Variants in FSD1 observed in about 807,000 individuals in gnomAD.
FSD1 encodes fibronectin type III and SPRY domain containing 1.
A neutral mutation model predicts 58.2 loss-of-function variants in FSD1; 23 were observed. The observed-to-expected ratio is 0.40, with a 90% CI of 0.28 to 0.56. FSD1 has a LOEUF of 0.56. Ranked by LOEUF, FSD1 falls within the 20% of genes least tolerant of loss-of-function variation. The pLI, the probability that FSD1 is intolerant of heterozygous loss-of-function variation, is 0.54. For synonymous variants in FSD1, 265 were observed against 263.4 expected, an observed-to-expected ratio of 1.01 and a Z score of -0.06; for missense variants, 563 against 670.8, an observed-to-expected ratio of 0.84 and a Z score of 1.78.
intron 4 of FSD1, among the ~76,000 whole-genome samples, chr19:4,308,580 A>G (rs1483894588): frequency 1.3e-5 from 2 of 151,544 alleles, no homozygotes; most frequent in Non-Finnish European, 2.9e-5. Flanking sequence ...ATAATTGGCC[A>G]GGCACAGGGG....
intron 8 of FSD1, 33 bp downstream of exon 8, chr19:4,317,313 C>A: frequency 8.1e-7 from 1 of 1,236,860 alleles, no homozygotes; most frequent in Non-Finnish European, 1.2e-6. Flanking sequence ...CTACCCCTAA[C>A]TCCATGGCCC....
chr19:4,307,713 T>C (rs1159972352), intron 3 of FSD1, among the ~76,000 whole-genome samples, 169 bp from the exon 4 acceptor site: 1 of 152,090 alleles, frequency 6.6e-6, no homozygotes, highest in Non-Finnish European at 1.5e-5. Context: ...TCTGTTCTGC[T>C]CCCCGAGCCC....
At position 4,304,665 on chromosome 19, in the gene FSD1, C is replaced by G; in HGVS notation, c.-82C>G. 7 of 912,510 alleles carry G rather than the reference C, an allele frequency of 7.7e-6. No individual in the cohort carries two copies. The highest frequency in any genetic ancestry group is 1.0e-5 in the Non-Finnish European group (7 of 697,888). The allele number at this position is 912,510 out of a possible 1,614,324, so 56.5% of individuals were successfully genotyped here. On this transcript the variant is annotated 5_prime_UTR_variant, in exon 1 of 13. Transcript: ENST00000221856. Reference sequence around the variant, plus strand: ...CGGCGAGGGCTCGGCGGGCCATTGGCTACCGGCCGCGGCAAAGGCAGCTTG... The same window carrying G: ...CGGCGAGGGCTCGGCGGGCCATTGGGTACCGGCCGCGGCAAAGGCAGCTTG...
At chr19:4,311,087 T>G in intron 6 of FSD1, 1 of 159,802 alleles carries the variant, frequency 6.3e-6, no homozygotes, top group Non-Finnish European at 1.4e-5. Context: ...TCCACAGGGG[T>G]GGAGCCCTGA....
chr19:4,304,633 G>GCGGCGGCGGCGAGGGCT lies in FSD1; in HGVS notation c.-107_-91dup. ...CGGTGATGGAGCGCTAACCGGGGGC[G>GCGGCGGCGGCGAGGGCT]CGGCGGCGGCGAGGGCTCGGCGGGC... On this transcript the variant is annotated 5_prime_UTR_variant, in exon 1 of 13. Coordinates refer to ENST00000221856, the MANE Select transcript of FSD1 (RefSeq NM_024333.3). The GCGGCGGCGGCGAGGGCT allele has an allele frequency of 9.0e-6, 5 of 552,556 alleles. No individual in the cohort carries two copies. The highest frequency in any genetic ancestry group is 1.3e-5 in the Non-Finnish European group (5 of 371,714). The allele number at this position is 552,556 out of a possible 1,614,324, so 34.2% of individuals were successfully genotyped here. A position where few individuals can be genotyped will look rare whatever the true frequency, so the allele number is the denominator to read the frequency against.
At chr19:4,320,363 C>T (rs1406882470) in intron 10 of FSD1, among the ~76,000 whole-genome samples, 1 of 151,992 alleles carries the variant, frequency 6.6e-6, no homozygotes, top group Non-Finnish European at 1.5e-5. Flanking sequence ...CCTGCCAGAG[C>T]TGGGAACTAG....
chr19:4,315,382 C>T (rs992528782), intron 7 of FSD1, among the ~76,000 whole-genome samples: 2 of 144,394 alleles, frequency 1.4e-5, no homozygotes, highest in Non-Finnish European at 3.0e-5. Context: ...TATCTCGGCT[C>T]ACTGCAAGCT....
rs776971374 is a variant in FSD1, at chr19:4,305,926, C to G, written c.16-20C>G. The G allele has an allele frequency of 1.0e-5, 16 of 1,583,128 alleles. No homozygotes were observed. Among genetic ancestry groups the G allele is most frequent in the South Asian group, 2.2e-5 (2 of 90,456 alleles). ...CATGTGTGTGTGCACCTGTGTGTGTCCACACTTCTGGTGGTGCAGGAGGCC... is the reference window on the plus strand; with the variant it reads ...CATGTGTGTGTGCACCTGTGTGTGTGCACACTTCTGGTGGTGCAGGAGGCC... On this transcript the variant is annotated intron_variant, in intron 1 of 12. Transcript: ENST00000221856.
At position 4,306,208 on chromosome 19, in the gene FSD1, C is replaced by T. The variant is rs760615368; in HGVS notation, c.122C>T (p.Ala41Val). ...GCTGTTCCGACCCAGGCGAACTCGG[C>T]GAAGGTGCAGGAGGACCTCGAAGCA... is the stretch of plus-strand genomic sequence containing the variant. ...QMLLNVEANSAKVQEDLEAEF... is the reference protein window; with the variant it reads ...QMLLNVEANSVKVQEDLEAEF... The change falls in exon 3 of 13, where the codon GCG (alanine) becomes GTG (valine). Residue 41 changes from alanine (A) to valine (V), a missense_variant. By Grantham distance (64) the Ala-to-Val change is moderately conservative (BLOSUM62 0). Coordinates refer to ENST00000221856, the MANE Select transcript of FSD1 (RefSeq NM_024333.3). 13 of 1,613,708 alleles carry T rather than the reference C, an allele frequency of 8.1e-6. No individual in the cohort carries two copies. The highest frequency in any genetic ancestry group is 5.3e-5 in the African/African-American group (4 of 74,830).
intron 4 of FSD1, among the ~76,000 whole-genome samples, chr19:4,309,024 G>C (rs1174122144): frequency 6.6e-6 from 1 of 151,940 alleles, no homozygotes; most frequent in Non-Finnish European, 1.5e-5. Context: ...GCAGTGAGCA[G>C]AGATCGCACC....
intron 6 of FSD1, 144 bp downstream of exon 6, chr19:4,310,740 C>A: frequency 3.2e-6 from 3 of 928,316 alleles, no homozygotes; most frequent in Non-Finnish European, 4.8e-6. Context: ...GAATTCCACG[C>A]CCTGTGGGGG....
At chr19:4,306,498 C>T (rs1346736965) in intron 3 of FSD1, among the ~76,000 whole-genome samples, 169 bp downstream of exon 3, 3 of 151,650 alleles carry the variant, frequency 2.0e-5, no homozygotes, top group Admixed American at 6.6e-5. Context: ...ACGGAGGTCT[C>T]GCTCTGTCGC....
At chr19:4,320,374 G>A (rs907956320) in intron 10 of FSD1, among the ~76,000 whole-genome samples, 1 of 152,092 alleles carries the variant, frequency 6.6e-6, no homozygotes, top group East Asian at 1.9e-4. Context: ...TGGGAACTAG[G>A]GGGAGCATCT....
At chr19:4,311,686 A>T (rs1390747572) in intron 6 of FSD1, 156 bp from the exon 7 acceptor site, 1 of 175,588 alleles carries the variant, frequency 5.7e-6, no homozygotes, top group Non-Finnish European at 1.2e-5. Flanking sequence ...CTCTGTCTCT[A>T]AAAAAAAAAA....
intron 10 of FSD1, among the ~76,000 whole-genome samples, chr19:4,321,868 A>G (rs769335669): frequency 1.1e-4 from 17 of 149,496 alleles, no homozygotes; most frequent in Non-Finnish European, 2.2e-4. Flanking sequence ...TCTGGGAGAA[A>G]TAGCTGGGTC....
At chr19:4,311,781 GC>G in intron 6 of FSD1, 60 bp from the exon 7 acceptor site, 5 of 1,511,888 alleles carry the variant, frequency 3.3e-6, no homozygotes, top group Non-Finnish European at 2.8e-6. Flanking sequence ...CCTGCAGCAA[GC>G]CCCCTGCCCC....
chr19:4,305,546 C>T (rs1971608778), intron 1 of FSD1, among the ~76,000 whole-genome samples: 2 of 152,218 alleles, frequency 1.3e-5, no homozygotes, highest in South Asian at 2.1e-4. Flanking sequence ...ACGCCTGGTT[C>T]GGGGCCAGGG....
chr19:4,312,439 C>T (rs923440197), intron 7 of FSD1, among the ~76,000 whole-genome samples: 1 of 151,594 alleles, frequency 6.6e-6, no homozygotes, highest in African/African-American at 2.4e-5. Context: ...GGCACTGAGC[C>T]GAGATCGCGC....
At chr19:4,314,277 C>T (rs1171969185) in intron 7 of FSD1, among the ~76,000 whole-genome samples, 4 of 152,166 alleles carry the variant, frequency 2.6e-5, no homozygotes, top group Non-Finnish European at 5.9e-5. Flanking sequence ...AATAAACACA[C>T]CCCTTTTATT....
Sources: gnomAD v4.1 joint callset for allele counts (sites outside exome capture counted in the v4.1 genomes callset) on GRCh38, gnomAD v4.1.1 for gene constraint, MANE v1.5 for transcripts, NCBI Gene and HGNC (gene_info 2026-07-23, HGNC 2026-07-21) for gene names.